The following PLEKHG1 variants were observed in gnomAD, a reference collection of about 807,000 sequenced individuals.
PLEKHG1 encodes the protein pleckstrin homology domain-containing family G member 1.
Under a neutral mutation model 100.8 loss-of-function variants are expected in PLEKHG1, and 44 were observed. The observed-to-expected ratio is 0.44, with a 90% CI of 0.34 to 0.56. The LOEUF is 0.56. Among genes scored for constraint, PLEKHG1 ranks in the 20% least tolerant of loss-of-function variants. The probability of loss-of-function intolerance (pLI) is 0.01; values close to 1 mark genes in which losing one functional copy is unlikely to be tolerated. For synonymous variants in PLEKHG1, 640 were observed against 662.5 expected, an observed-to-expected ratio of 0.97 and a Z score of 0.52; for missense variants, 1,545 against 1,720.9, an observed-to-expected ratio of 0.90 and a Z score of 1.81.
At chr6:150,635,405 C>G (rs1005382730) in intron 1 of PLEKHG1, among the ~76,000 whole-genome samples, 1 of 151,998 alleles carries the variant, frequency 6.6e-6, no homozygotes, top group Non-Finnish European at 1.5e-5. Context: ...GAGTGTAGTT[C>G]TGTTGTTTCT....
At chr6:150,715,826 C>T (rs1433427685) in intron 3 of PLEKHG1, among the ~76,000 whole-genome samples, 11 of 148,384 alleles carry the variant, frequency 7.4e-5, no homozygotes, top group Non-Finnish European at 8.9e-5. Context: ...AATGTGGCCG[C>T]GGCCGGGCGC....
chr6:150,684,567 T>A (rs573318031), intron 3 of PLEKHG1, among the ~76,000 whole-genome samples: 1 of 152,288 alleles, frequency 6.6e-6, no homozygotes, highest in African/African-American at 2.4e-5. Context: ...TCCGAAATGG[T>A]TCTGGCCAAC....
chr6:150,688,302 A>G (rs1484498087), intron 3 of PLEKHG1, among the ~76,000 whole-genome samples: 1 of 147,388 alleles, frequency 6.8e-6, no homozygotes, highest in Non-Finnish European at 1.5e-5. Flanking sequence ...TTAATCTTAC[A>G]TTTTCTTCCT....
chr6:150,778,915 G>T (rs377445770), intron 3 of PLEKHG1, among the ~76,000 whole-genome samples: 8 of 152,190 alleles, frequency 5.3e-5, no homozygotes, highest in African/African-American at 1.7e-4. Flanking sequence ...GACTTGTCTA[G>T]TAGGCAGTAC....
intron 3 of PLEKHG1, among the ~76,000 whole-genome samples, chr6:150,689,638 G>A (rs1283317464): frequency 1.3e-5 from 2 of 152,134 alleles, no homozygotes; most frequent in Non-Finnish European, 2.9e-5. Context: ...CAAGGTGGGT[G>A]GGTCACCTGA....
chr6:150,652,188 G>T (rs1778774088), intron 3 of PLEKHG1, among the ~76,000 whole-genome samples: 2 of 152,080 alleles, frequency 1.3e-5, no homozygotes, highest in African/African-American at 4.8e-5. Flanking sequence ...ACACTAAAAG[G>T]GAAAGAAGGA....
chr6:150,770,729 T>A (rs1199898914), intron 3 of PLEKHG1, among the ~76,000 whole-genome samples: 4 of 152,208 alleles, frequency 2.6e-5, no homozygotes, highest in Admixed American at 2.6e-4. Context: ...AAGCCAGCCC[T>A]CATTGTGCAA....
rs1554258825 is a variant in PLEKHG1 at position 150,674,628 on chromosome 6, C to CT, written c.-99+23842_-99+23843insT. 6.6e-3 allele frequency among the ~76,000 whole-genome samples: 341 copies of CT among 51,664 alleles called. 29 individuals carry two copies. Among genetic ancestry groups the CT allele is most frequent in the South Asian group, 0.028 (40 of 1,442 alleles). 33.9% of individuals were successfully genotyped at this position (51,664 alleles called of 152,430 possible). On this transcript the variant is annotated intron_variant, in intron 3 of 3. Transcript: ENST00000367326. ...ATTACACCTGTAACTTTCTCTCTCT[C>CT]CTCCCTCTCTCTCTCTCTCTCTCTC...
chr6:150,748,182 C>T (rs996464833), intron 2 of PLEKHG1, among the ~76,000 whole-genome samples: 5 of 152,218 alleles, frequency 3.3e-5, no homozygotes, highest in Non-Finnish European at 5.9e-5. Context: ...ATATTATCTT[C>T]AAGGTTCATT....
At chr6:150,673,064 CG>C (rs1476205669) in intron 3 of PLEKHG1, among the ~76,000 whole-genome samples, 1 of 152,038 alleles carries the variant, frequency 6.6e-6, no homozygotes, top group Non-Finnish European at 1.5e-5. Flanking sequence ...CATAGTCGGC[CG>C]GAAAGCAAGA....
chr6:150,774,832 A>G (rs568694516), intron 3 of PLEKHG1, among the ~76,000 whole-genome samples: 196 of 151,964 alleles, frequency 1.3e-3, no homozygotes, highest in African/African-American at 4.6e-3. Context: ...TGCCATCCCA[A>G]TTTATTTATA....
At chr6:150,638,848 AC>A (rs1778132346) in intron 2 of PLEKHG1, among the ~76,000 whole-genome samples, 1 of 152,224 alleles carries the variant, frequency 6.6e-6, no homozygotes, top group Admixed American at 6.5e-5. Flanking sequence ...GAATTATATA[AC>A]CTGGATGCAT....
intron 7 of PLEKHG1, among the ~76,000 whole-genome samples, chr6:150,806,080 C>T (rs893325765): frequency 6.6e-6 from 1 of 152,054 alleles, no homozygotes; most frequent in African/African-American, 2.4e-5. Context: ...AGTGGCCTTG[C>T]CTAACTCGGG....
At chr6:150,728,946 A>G (rs1189972379) in intron 1 of PLEKHG1, among the ~76,000 whole-genome samples, 5 of 152,256 alleles carry the variant, frequency 3.3e-5, no homozygotes, top group Admixed American at 3.3e-4. Context: ...TCTCAGTGAG[A>G]TATTTAACCT....
At chr6:150,620,511 C>T (rs1777254487) in intron 1 of PLEKHG1, among the ~76,000 whole-genome samples, 1 of 152,250 alleles carries the variant, frequency 6.6e-6, no homozygotes, top group Admixed American at 6.5e-5. Context: ...CTGTCACTCC[C>T]TCTATGGCCA....
chr6:150,762,216 GTC>G (rs201774311), intron 2 of PLEKHG1, among the ~76,000 whole-genome samples: 1,497 of 141,828 alleles, frequency 0.011, 17 homozygotes, highest in African/African-American at 0.037. Context: ...TTTTTTTTGA[GTC>G]TCACTCTGTT....
intron 3 of PLEKHG1, among the ~76,000 whole-genome samples, chr6:150,713,185 G>A (rs756497830): frequency 4.6e-5 from 7 of 152,024 alleles, no homozygotes; most frequent in Non-Finnish European, 7.3e-5. Context: ...TCTGTGCCTC[G>A]AAGTTCAGAA....
At chr6:150,716,574 G>C (rs534541325), upstream of PLEKHG1, among the ~76,000 whole-genome samples, 2 of 152,200 alleles carry the variant, frequency 1.3e-5, no homozygotes, top group Admixed American at 6.5e-5. Flanking sequence ...GTTCAGCAAG[G>C]TGCCTCAACT....
chr6:150,842,981 G>C (rs933336807), exon 16 of PLEKHG1: 4 of 152,166 alleles, frequency 2.6e-5, no homozygotes, highest in African/African-American at 9.7e-5. Flanking sequence ...CAGAGTGCTG[G>C]GATTACAGGC....
Sources: gnomAD v4.1 joint callset for allele counts (sites outside exome capture counted in the v4.1 genomes callset) on GRCh38, gnomAD v4.1.1 for gene constraint, MANE v1.5 for transcripts, NCBI Gene and HGNC (gene_info 2026-07-23, HGNC 2026-07-21) for gene names.